The following DECR1 variants were observed in gnomAD, a reference collection of about 807,000 sequenced individuals.
DECR1 encodes the protein 2,4-dienoyl-CoA reductase [(3E)-enoyl-CoA-producing], mitochondrial.
In DECR1, 44 loss-of-function variants were observed where a neutral mutation model predicts 38.8. That is an observed-to-expected ratio of 1.13 (90% CI 0.89 to 1.46). The LOEUF is 1.46. Among genes scored for constraint, DECR1 ranks in the 40% most tolerant of loss-of-function variants. The pLI, the probability that DECR1 is intolerant of heterozygous loss-of-function variation, is 0.00. For missense variants in DECR1, 428 were observed against 405.5 expected (o/e 1.06, Z -0.48); for synonymous variants, 148 against 135.2 (o/e 1.09, Z -0.66).
At chr8:90,027,318 G>A (rs556729655) in intron 5 of DECR1, among the ~76,000 whole-genome samples, 36 of 152,210 alleles carry the variant, frequency 2.4e-4, no homozygotes, top group African/African-American at 8.4e-4. Context: ...TGTTGACAGT[G>A]GGTTGTTAAA....
chr8:90,037,118 C>A, intron 6 of DECR1, 178 bp downstream of exon 6: 1 of 536,828 alleles, frequency 1.9e-6, no homozygotes, highest in African/African-American at 1.9e-5. Context: ...CAGCGCTGTC[C>A]TGTGGAACTT....
chr8:90,012,404 C>T (rs1406788750), intron 1 of DECR1, among the ~76,000 whole-genome samples: 3 of 152,084 alleles, frequency 2.0e-5, no homozygotes, highest in African/African-American at 4.8e-5. Flanking sequence ...CCACCTGCCT[C>T]GGCCTCCCAA....
chr8:90,047,947 C>T (rs1029541708), intron 8 of DECR1, among the ~76,000 whole-genome samples: 5 of 152,098 alleles, frequency 3.3e-5, no homozygotes, highest in African/African-American at 1.2e-4. Flanking sequence ...GGGTACATAA[C>T]GAAATGAAGG....
intron 5 of DECR1, among the ~76,000 whole-genome samples, chr8:90,027,027 C>T (rs1456499869): frequency 2.0e-5 from 3 of 152,126 alleles, no homozygotes; most frequent in South Asian, 4.2e-4. Context: ...TGTAGTTGAG[C>T]GGTTTTGAGT....
intron 6 of DECR1, among the ~76,000 whole-genome samples, chr8:90,039,887 GTATA>G (rs1183871904): frequency 6.6e-6 from 1 of 152,172 alleles, no homozygotes; most frequent in Non-Finnish European, 1.5e-5. Context: ...CACATGGTAA[GTATA>G]TAATAAACAT....
At chr8:90,050,715 A>G (rs1210999913) in intron 8 of DECR1, among the ~76,000 whole-genome samples, 1 of 152,254 alleles carries the variant, frequency 6.6e-6, no homozygotes, top group South Asian at 2.1e-4. Context: ...CTATAAAGAC[A>G]CATGCACACG....
intron 8 of DECR1, among the ~76,000 whole-genome samples, chr8:90,049,549 C>T (rs960961612): frequency 1.3e-5 from 2 of 152,184 alleles, no homozygotes; most frequent in Admixed American, 1.3e-4. Context: ...AATGGAAGAA[C>T]ATTCCATGCT....
intron 1 of DECR1, among the ~76,000 whole-genome samples, chr8:90,012,320 T>C (rs990865363): frequency 6.6e-6 from 1 of 151,846 alleles, no homozygotes; most frequent in African/African-American, 2.4e-5. Flanking sequence ...GCCCGGCTAA[T>C]TTTTGTATTT....
At chr8:90,004,988 G>T (rs1172400737) in intron 1 of DECR1, among the ~76,000 whole-genome samples, 3 of 152,204 alleles carry the variant, frequency 2.0e-5, no homozygotes, top group Non-Finnish European at 1.5e-5. Flanking sequence ...GACCCAAACT[G>T]TACATACCTA....
chr8:90,039,804 T>C (rs1287989253), intron 6 of DECR1, among the ~76,000 whole-genome samples: 2 of 152,212 alleles, frequency 1.3e-5, no homozygotes, highest in African/African-American at 4.8e-5. Flanking sequence ...CTCACCTCTC[T>C]TGAGAGGGAG....
intron 5 of DECR1, among the ~76,000 whole-genome samples, chr8:90,033,911 A>G (rs1007748802): frequency 1.3e-5 from 2 of 152,102 alleles, no homozygotes; most frequent in African/African-American, 4.8e-5. Flanking sequence ...TAATTTTGCT[A>G]TAAGAATGAT....
intron 5 of DECR1, among the ~76,000 whole-genome samples, chr8:90,026,470 G>A (rs760883911): frequency 1.1e-4 from 17 of 152,172 alleles, no homozygotes; most frequent in Non-Finnish European, 2.2e-4. Context: ...ATGTGTCCAG[G>A]AATGTATCCA....
chr8:90,003,347 T>C (rs1174175736), intron 1 of DECR1: 1 of 152,256 alleles, frequency 6.6e-6, no homozygotes, highest in Non-Finnish European at 1.5e-5. Flanking sequence ...TGTTAAATTG[T>C]GCTGCTGGCT....
intron 5 of DECR1, among the ~76,000 whole-genome samples, chr8:90,031,462 T>A (rs1813492162): frequency 6.6e-6 from 1 of 152,292 alleles, no homozygotes; most frequent in African/African-American, 2.4e-5. Flanking sequence ...TAATTAAACT[T>A]AAAAATAGCA....
chr8:90,016,393 T>C (rs1208275589), intron 1 of DECR1, among the ~76,000 whole-genome samples: 1 of 152,252 alleles, frequency 6.6e-6, no homozygotes, highest in East Asian at 1.9e-4. Flanking sequence ...TCCCAGCTCT[T>C]TGGGAGGCCG....
Position 90,017,304 on chromosome 8 carries a change from G to T in DECR1, c.250G>T (p.Ala84Ser). 1 of 1,614,158 alleles carries T rather than the reference G, an allele frequency of 6.2e-7. No homozygotes were observed. The highest frequency in any genetic ancestry group is 8.5e-7 in the Non-Finnish European group (1 of 1,180,020). ...GMTTLLSSLG[A>S]QCVIASRKMD... ...GACAACTCTTCTGTCCAGCCTAGGT[G>T]CTCAGTGCGTGATAGCCAGCCGGTA... is the stretch of plus-strand genomic sequence containing the variant. The change falls in exon 2 of 10, where the codon GCT becomes TCT. Residue 84 changes from alanine (A) to serine (S), a missense_variant. By Grantham distance (99) the Ala-to-Ser change is moderately conservative (BLOSUM62 1). Coordinates refer to ENST00000220764, the MANE Select transcript of DECR1 (RefSeq NM_001359.2).
intron 8 of DECR1, among the ~76,000 whole-genome samples, chr8:90,046,045 G>A (rs76868803): frequency 3.3e-5 from 5 of 152,272 alleles, no homozygotes; most frequent in Middle Eastern, 3.4e-3. Flanking sequence ...TCACCATCAC[G>A]AAAGACCAAA....
At position 90,023,854 on chromosome 8, in the gene DECR1, C is replaced by T. The variant is rs185519958; in HGVS notation, c.565+2798C>T. ...TTTACATTAGGTATATCTCCTAATG[C>T]TATCCCTCCTCTCTCCCCCAACCCC... On this transcript the variant is annotated intron_variant, in intron 5 of 9. Transcript: ENST00000220764. Among the ~76,000 whole-genome samples, 933 of 152,222 alleles carry T rather than the reference C, an allele frequency of 6.1e-3. 4 individuals carry two copies. Among genetic ancestry groups the T allele is most frequent in the Non-Finnish European group, 9.4e-3 (641 of 67,996 alleles).
intron 6 of DECR1, among the ~76,000 whole-genome samples, chr8:90,041,340 G>T (rs1169338549): frequency 6.6e-6 from 1 of 151,730 alleles, no homozygotes; most frequent in Non-Finnish European, 1.5e-5. Context: ...AGTTTAATTT[G>T]TTTAAGTTCT....
Sources: gnomAD v4.1 joint callset for allele counts (sites outside exome capture counted in the v4.1 genomes callset) on GRCh38, gnomAD v4.1.1 for gene constraint, MANE v1.5 for transcripts, NCBI Gene and HGNC (gene_info 2026-07-23, HGNC 2026-07-21) for gene names.